XPO6: variants seen among roughly 807,000 people sequenced by gnomAD.
XPO6 encodes exportin 6.
In XPO6, 3 loss-of-function variants were observed where a neutral mutation model predicts 130.0. The ratio of observed to expected loss-of-function variants is 0.02; its 90% CI spans 0.01 to 0.06. The LOEUF (loss-of-function observed/expected upper bound fraction) is 0.06, where lower values mean the gene tolerates loss of function less well. Among genes scored for constraint, XPO6 ranks in the 10% least tolerant of loss-of-function variants. The probability of loss-of-function intolerance (pLI) is 1.00; values close to 1 mark genes in which losing one functional copy is unlikely to be tolerated. For synonymous variants in XPO6, 524 were observed against 548.9 expected (o/e 0.95, Z 0.63); for missense variants, 970 against 1,393.0 (o/e 0.70, Z 4.83).
At position 28,104,615 on chromosome 16, in the gene XPO6, C is replaced by G. The variant is rs1567590081; in HGVS notation, c.2877G>C (p.Leu959=). Residue 959 remains leucine (L), a synonymous_variant, in exon 21 of 24, where the codon CTG becomes CTC. Coordinates refer to ENST00000304658, the MANE Select transcript of XPO6 (RefSeq NM_015171.4). ...CAGCGATCCCCCTCTGGACACTGGC[C>G]AGCACGGTGGACTTGAAGAAGTACC... The part of the protein sequence containing the change: ...NWRYFFKSTV[L]ASVQRGIAEE... 1 of 1,614,210 alleles carries G rather than the reference C, an allele frequency of 6.2e-7. No homozygotes were observed. The highest frequency in any genetic ancestry group is 1.1e-5 in the South Asian group (1 of 91,084).
At chr16:28,154,255 T>TTA (rs750208627) in intron 7 of XPO6, 7 of 811,888 alleles carry the variant, frequency 8.6e-6, no homozygotes, top group South Asian at 1.3e-4. Context: ...ACTACCCATT[T>TTA]AAAAAAAAAA....
intron 21 of XPO6, 42 bp downstream of exon 21, chr16:28,104,504 G>C (rs769434137): frequency 1.2e-5 from 20 of 1,611,380 alleles, no homozygotes; most frequent in Non-Finnish European, 1.6e-5. Flanking sequence ...CAGTGGTCAG[G>C]TTAGAGGAAG....
At chr16:28,130,202 C>T (rs1242723756) in intron 12 of XPO6, among the ~76,000 whole-genome samples, 1 of 152,248 alleles carries the variant, frequency 6.6e-6, no homozygotes, top group Non-Finnish European at 1.5e-5. Context: ...AACCACACTG[C>T]AGGCCTCACT....
intron 6 of XPO6, among the ~76,000 whole-genome samples, chr16:28,156,966 T>C (rs1446895070): frequency 6.6e-6 from 1 of 152,018 alleles, no homozygotes; most frequent in East Asian, 1.9e-4. Flanking sequence ...ATTAAATAAA[T>C]AAACAAATAA....
chr16:28,160,435 C>T (rs1038278773), intron 6 of XPO6, among the ~76,000 whole-genome samples: 5 of 139,082 alleles, frequency 3.6e-5, no homozygotes, highest in African/African-American at 8.6e-5. Flanking sequence ...CCCTGGGAGG[C>T]GGACGCTGCA....
chr16:28,205,159 A>G (rs1408802769), intron 1 of XPO6, among the ~76,000 whole-genome samples: 1 of 152,154 alleles, frequency 6.6e-6, no homozygotes, highest in Non-Finnish European at 1.5e-5. Context: ...GAAATAGGGC[A>G]ATAACTGGCC....
At chr16:28,098,703 C>T in intron 23 of XPO6, 64 bp from the exon 24 acceptor site, 3 of 1,215,218 alleles carry the variant, frequency 2.5e-6, no homozygotes, top group Non-Finnish European at 3.5e-6. Flanking sequence ...CAGACCCCAA[C>T]AGCTACTTCC....
intron 1 of XPO6, among the ~76,000 whole-genome samples, chr16:28,193,841 G>C (rs2043819689): frequency 6.6e-6 from 1 of 152,130 alleles, no homozygotes; most frequent in African/African-American, 2.4e-5. Context: ...CCGTCTCTCA[G>C]CTCTGCCCCT....
At chr16:28,179,889 T>C (rs2043588848) in intron 2 of XPO6, among the ~76,000 whole-genome samples, 1 of 152,192 alleles carries the variant, frequency 6.6e-6, no homozygotes, top group Non-Finnish European at 1.5e-5. Flanking sequence ...TCTGGAGCAT[T>C]TGGCTACTTA....
At chr16:28,100,591 A>T (rs2086634995) in intron 23 of XPO6, among the ~76,000 whole-genome samples, 1 of 152,210 alleles carries the variant, frequency 6.6e-6, no homozygotes, top group African/African-American at 2.4e-5. Context: ...ACTACGGTGG[A>T]GCCGTGGACA....
intron 21 of XPO6, among the ~76,000 whole-genome samples, chr16:28,102,150 A>G (rs988939257): frequency 2.6e-5 from 4 of 152,030 alleles, no homozygotes; most frequent in African/African-American, 9.7e-5. Context: ...ATGGTCTCAT[A>G]TATACCTTTT....
At chr16:28,175,857 AAACT>A in intron 4 of XPO6, 37 bp downstream of exon 4, 1 of 1,579,814 alleles carries the variant, frequency 6.3e-7, no homozygotes, top group Non-Finnish European at 8.7e-7. Context: ...TTCAACAAAC[AAACT>A]ATTCACAAGA....
Position 28,098,310 on chromosome 16 carries a change from C to T in XPO6, c.*228G>A, listed in dbSNP as rs112922809. 2.3e-5 allele frequency: 11 copies of T among 479,504 alleles called. No individual in the cohort carries two copies. Among genetic ancestry groups the T allele is most frequent in the African/African-American group, 7.9e-5 (4 of 50,938 alleles). 29.7% of individuals were successfully genotyped at this position (479,504 alleles called of 1,614,324 possible). On this transcript the variant is annotated 3_prime_UTR_variant, in exon 24 of 24. Coordinates refer to ENST00000304658, the MANE Select transcript of XPO6 (RefSeq NM_015171.4). Reference sequence around the variant, plus strand: ...CCTAGTACCTGGCCACACACCCCTCCGCCTGCTCCAACGCCCTGGGAGCAC... The same window carrying T: ...CCTAGTACCTGGCCACACACCCCTCTGCCTGCTCCAACGCCCTGGGAGCAC...
intron 5 of XPO6, among the ~76,000 whole-genome samples, chr16:28,167,619 A>G (rs2043378061): frequency 6.6e-6 from 1 of 152,172 alleles, no homozygotes; most frequent in South Asian, 2.1e-4. Flanking sequence ...CTCTTAAAAC[A>G]TCTTTAACTG....
intron 14 of XPO6, among the ~76,000 whole-genome samples, chr16:28,118,267 A>G (rs912044617): frequency 1.3e-5 from 2 of 152,118 alleles, no homozygotes; most frequent in Non-Finnish European, 2.9e-5. Context: ...TAATTTTTCT[A>G]TCTTTCCTTT....
At chr16:28,209,363 G>A (rs2044087809) in intron 1 of XPO6, among the ~76,000 whole-genome samples, 4 of 152,082 alleles carry the variant, frequency 2.6e-5, no homozygotes, top group Admixed American at 2.6e-4. Context: ...ATTGAGGCCG[G>A]GCGCGATGGC....
chr16:28,178,044 C>T (rs1273845271), intron 2 of XPO6, among the ~76,000 whole-genome samples: 1 of 152,172 alleles, frequency 6.6e-6, no homozygotes, highest in Non-Finnish European at 1.5e-5. Context: ...GCAAGCATTA[C>T]GGGGCTACCA....
intron 8 of XPO6, 48 bp downstream of exon 8, chr16:28,152,611 G>A: frequency 6.4e-7 from 1 of 1,568,678 alleles, no homozygotes; most frequent in Non-Finnish European, 8.6e-7. Context: ...AAAGTAACAA[G>A]GTAATAAACC....
chr16:28,190,433 G>T (rs2043768110), intron 1 of XPO6, among the ~76,000 whole-genome samples: 1 of 152,058 alleles, frequency 6.6e-6, no homozygotes, highest in Non-Finnish European at 1.5e-5. Context: ...ATGTTGGCCA[G>T]GCTGGTCTTG....
Sources: allele counts gnomAD v4.1 joint callset (sites outside exome capture counted in the v4.1 genomes callset), GRCh38; gene constraint gnomAD v4.1.1; transcripts MANE v1.5; gene names NCBI Gene and HGNC (gene_info 2026-07-23, HGNC 2026-07-21).